XKR6: variants seen among roughly 807,000 people sequenced by gnomAD.
XKR6 encodes XK-related protein 6.
Under a neutral mutation model 56.7 loss-of-function variants are expected in XKR6, and 22 were observed. That is an observed-to-expected ratio of 0.39 (90% CI 0.28 to 0.55). The LOEUF (loss-of-function observed/expected upper bound fraction) is 0.55. XKR6 is among the 20% of genes least tolerant of loss of function. The probability of loss-of-function intolerance (pLI) is 0.66; values close to 1 mark genes in which losing one functional copy is unlikely to be tolerated. For synonymous variants in XKR6, 524 were observed against 387.8 expected, an observed-to-expected ratio of 1.35 and a Z score of -4.13; for missense variants, 852 against 889.0, an observed-to-expected ratio of 0.96 and a Z score of 0.53.
In XKR6 at chr8:10,911,150, G is replaced by T. The variant is rs547283784; in HGVS notation, c.962-12234C>A. Among the ~76,000 whole-genome samples the T allele has an allele frequency of 1.5e-4, 23 of 151,972 alleles. No individual in the cohort carries two copies. In the East Asian group the frequency reaches 4.1e-3, roughly 27 times the overall value. ...CCTCAGTTTACTGTTTGTGAGCCGT[G>T]GGTAAAAACATGGATTTTGAGTATA... On this transcript the variant is annotated intron_variant, in intron 2 of 2. Transcript: ENST00000416569.
At chr8:11,173,322 C>A (rs1036572287) in intron 1 of XKR6, among the ~76,000 whole-genome samples, 35 of 150,616 alleles carry the variant, frequency 2.3e-4, no homozygotes, top group Admixed American at 1.4e-3. Context: ...CCAGCCTGGG[C>A]AACAAAGCGA....
At chr8:11,176,013 C>G (rs181586900) in intron 1 of XKR6, among the ~76,000 whole-genome samples, 1 of 152,212 alleles carries the variant, frequency 6.6e-6, no homozygotes, top group Non-Finnish European at 1.5e-5. Flanking sequence ...AGAATGTGAT[C>G]AGCTGCAATA....
rs575877098 is a variant in XKR6, at chr8:11,200,323, G to C, written c.764+253C>G. Among the ~76,000 whole-genome samples the C allele has an allele frequency of 6.6e-6, 1 of 152,208 alleles. No homozygotes were observed. The highest frequency in any genetic ancestry group is 2.4e-5 in the African/African-American group (1 of 41,456). On this transcript the variant is annotated intron_variant, in intron 1 of 2. Transcript: ENST00000416569. This position sits in a 1 kb window ranked among gnomAD's most constrained non-coding sequence, Gnocchi z 6.4. The stretch of plus-strand genomic sequence containing the variant: ...AGAGGGGACGGGGAGGGCAGGTTGG[G>C]GCAAGAGCCCCGCCGAGTGCGAAGC...
chr8:10,976,192 G>GC (rs5889353), intron 1 of XKR6, among the ~76,000 whole-genome samples: 198 of 149,028 alleles, frequency 1.3e-3, no homozygotes, highest in Non-Finnish European at 2.0e-3. Flanking sequence ...AAAAAAAAGT[G>GC]CCCCCCCCCA....
intron 1 of XKR6, among the ~76,000 whole-genome samples, chr8:11,037,397 T>C (rs920500308): frequency 2.0e-5 from 3 of 152,282 alleles, no homozygotes; most frequent in African/African-American, 7.2e-5. Flanking sequence ...GGCTAATCTT[T>C]GTATTTTTGT....
At chr8:11,195,395 T>G (rs547319647) in intron 1 of XKR6, among the ~76,000 whole-genome samples, 12 of 152,346 alleles carry the variant, frequency 7.9e-5, no homozygotes, top group African/African-American at 2.6e-4. Flanking sequence ...ATCCACTGAT[T>G]AGCAATGCCA....
intron 1 of XKR6, among the ~76,000 whole-genome samples, chr8:11,025,578 G>A (rs571633821): frequency 3.2e-4 from 49 of 152,250 alleles, no homozygotes; most frequent in Middle Eastern, 3.4e-3. Context: ...GTAAGTACAC[G>A]GAAAGAAGTG....
chr8:11,100,821 T>C (rs866278619), intron 1 of XKR6, among the ~76,000 whole-genome samples: 3 of 152,256 alleles, frequency 2.0e-5, no homozygotes, highest in Non-Finnish European at 2.9e-5. Flanking sequence ...CCAATCATTT[T>C]ATGCTACAAA....
chr8:10,933,182 G>T (rs1474523474), intron 1 of XKR6, among the ~76,000 whole-genome samples: 1 of 125,988 alleles, frequency 7.9e-6, no homozygotes, highest in Non-Finnish European at 1.7e-5. Flanking sequence ...TTTTTTGGCT[G>T]CATAAATGTC....
intron 1 of XKR6, among the ~76,000 whole-genome samples, chr8:11,085,687 C>T (rs182891856): frequency 4.4e-4 from 67 of 152,288 alleles, no homozygotes; most frequent in African/African-American, 1.6e-3. Context: ...CTGCCTTGGT[C>T]AGCATCGGGC....
intron 2 of XKR6, among the ~76,000 whole-genome samples, chr8:10,909,221 G>A (rs1800278563): frequency 1.3e-5 from 2 of 150,602 alleles, no homozygotes; most frequent in South Asian, 2.1e-4. Flanking sequence ...CTCTTTCCCC[G>A]CTCTTGCTAT....
chr8:11,166,935 A>C (rs1802106032), intron 1 of XKR6, among the ~76,000 whole-genome samples: 1 of 152,154 alleles, frequency 6.6e-6, no homozygotes, highest in South Asian at 2.1e-4. Context: ...CTATACCAAA[A>C]ATACAACAGA....
chr8:11,035,167 G>T (rs533766415), intron 1 of XKR6: 1 of 534,082 alleles, frequency 1.9e-6, no homozygotes, highest in African/African-American at 1.9e-5. Context: ...AGCCAGTCTC[G>T]TGCCCAGCCC....
intron 1 of XKR6, among the ~76,000 whole-genome samples, chr8:11,130,348 A>G (rs967831824): frequency 6.6e-6 from 1 of 152,112 alleles, no homozygotes; most frequent in Non-Finnish European, 1.5e-5. Flanking sequence ...TCCAAAGCAC[A>G]AGTGTTTTAT....
chr8:11,123,964 C>T lies in XKR6; in HGVS notation c.764+76612G>A, dbSNP rs1244100545. The T allele has an allele frequency of 1.1e-5, 5 of 456,138 alleles. No homozygotes were observed. In the East Asian group the frequency reaches 2.1e-4, roughly 19 times the overall value. The allele number at this position is 456,138 out of a possible 1,614,324, so 28.3% of individuals were successfully genotyped here. ...AGCAGAGGATCGGCTCCAGTGCTAC[C>T]TGCTCAGAGGCACTGCCGTGAGCAG... On this transcript the variant is annotated intron_variant, in intron 1 of 2. Transcript: ENST00000416569.
rs1450087004 is a variant in XKR6 at position 11,052,665 on chromosome 8, C to T, written c.765-127835G>A. Among the ~76,000 whole-genome samples the T allele has an allele frequency of 3.3e-5, 5 of 152,100 alleles. No individual in the cohort carries two copies. In the East Asian group the frequency reaches 7.7e-4, roughly 23 times the overall value. On this transcript the variant is annotated intron_variant, in intron 1 of 2. Transcript: ENST00000416569. ...CCCCCTGGTTTTCTCTCCCCATTGC[C>T]CGCACCTTGAGTTAAAGCTGGTGTC...
intron 1 of XKR6, among the ~76,000 whole-genome samples, chr8:11,152,061 T>G (rs1322091029): frequency 1.3e-5 from 2 of 152,170 alleles, no homozygotes; most frequent in African/African-American, 4.8e-5. Flanking sequence ...AGCGGTCCCT[T>G]TTTTCTCAAT....
intron 1 of XKR6, among the ~76,000 whole-genome samples, chr8:11,016,575 C>G (rs532391251): frequency 2.6e-5 from 4 of 152,232 alleles, no homozygotes; most frequent in Admixed American, 6.5e-5. Flanking sequence ...GTCCGCGCCC[C>G]GACAGCGCCG....
chr8:11,102,782 A>G lies in XKR6; in HGVS notation c.764+97794T>C, dbSNP rs1023055862. Among the ~76,000 whole-genome samples the G allele has an allele frequency of 8.5e-5, 13 of 152,336 alleles. No individual in the cohort carries two copies. In the South Asian group the frequency reaches 2.3e-3, roughly 27 times the overall value. On this transcript the variant is annotated intron_variant, in intron 1 of 2. Transcript: ENST00000416569. ...CAGTGCTCAGCATTCATGAAAACCT[A>G]GAGAGAAACCAACACTGCCTGTCCC... is the stretch of plus-strand genomic sequence containing the variant.
Sources: gnomAD v4.1 joint callset for allele counts (sites outside exome capture counted in the v4.1 genomes callset) on GRCh38, gnomAD v4.1.1 for gene constraint, Gnocchi (gnomAD v3.1) non-coding constraint, MANE v1.5 for transcripts, NCBI Gene and HGNC (gene_info 2026-07-23, HGNC 2026-07-21) for gene names.